MTA3: variants seen among roughly 807,000 people sequenced by gnomAD.
The protein encoded by MTA3 is metastasis associated 1 family member 3, also known as metastasis-associated protein MTA3.
A neutral mutation model predicts 83.5 loss-of-function variants in MTA3; 34 were observed. The observed-to-expected ratio is 0.41, with a 90% CI of 0.31 to 0.54. The LOEUF (loss-of-function observed/expected upper bound fraction) is 0.54. Ranked by LOEUF, MTA3 falls within the 20% of genes least tolerant of loss-of-function variation. The pLI, the probability that MTA3 is intolerant of heterozygous loss-of-function variation, is 0.33. For synonymous variants in MTA3, 303 were observed against 252.7 expected, an observed-to-expected ratio of 1.20 and a Z score of -1.89; for missense variants, 761 against 726.4, an observed-to-expected ratio of 1.05 and a Z score of -0.55.
chr2:42,656,057 C>T (rs1398121747), intron 6 of MTA3, 143 bp from the exon 7 acceptor site: 1 of 589,024 alleles, frequency 1.7e-6, no homozygotes, highest in Non-Finnish European at 3.0e-6. Flanking sequence ...TGTTGTACAT[C>T]TACGTCTGAA....
intron 8 of MTA3, among the ~76,000 whole-genome samples, chr2:42,662,992 GT>G (rs35014874): frequency 0.74 from 112,201 of 152,010 alleles, 41,669 homozygotes; most frequent in South Asian, 0.88. Flanking sequence ...GCCTCCCAGA[GT>G]TGCTGGGATT....
Position 42,667,576 on chromosome 2 carries a change from G to GTGTGTGTGTGTGTGTGTT in MTA3, c.702+7731_702+7732insTTGTGTGTGTGTGTGTGT, listed in dbSNP as rs1558562170. On this transcript the variant is annotated intron_variant, in intron 8 of 16. Coordinates refer to ENST00000405094, the MANE Select transcript of MTA3 (RefSeq NM_001330442.2). ...AATTTCCATCATTTAAAAATTGTGT[G>GTGTGTGTGTGTGTGTGTT]TGTGTGTGTGTGTGTGTGTGTGTGT... 9.5e-4 allele frequency among the ~76,000 whole-genome samples: 118 copies of GTGTGTGTGTGTGTGTGTT among 124,392 alleles called. No individual in the cohort carries two copies. In the Middle Eastern group the frequency reaches 0.012, roughly 13 times the overall value. 81.6% of individuals were successfully genotyped at this position (124,392 alleles called of 152,430 possible). A position where few individuals can be genotyped will look rare whatever the true frequency, so the allele number is the denominator to read the frequency against.
At chr2:42,646,923 G>T (rs193190840) in intron 6 of MTA3, among the ~76,000 whole-genome samples, 48 of 152,140 alleles carry the variant, frequency 3.2e-4, no homozygotes, top group Non-Finnish European at 5.4e-4. Flanking sequence ...TTGGGAGGTC[G>T]AGGCAGGCGG....
chr2:42,502,671 C>T, intron 2 of MTA3, among the ~76,000 whole-genome samples: 1 of 151,924 alleles, frequency 6.6e-6, no homozygotes, highest in South Asian at 2.1e-4. Flanking sequence ...GTGGCGCATG[C>T]CTGTAATCCC....
At position 42,755,110 on chromosome 2, in the gene MTA3, C is replaced by T; in HGVS notation, c.*1711C>T. ...CAGGGTTCCCACTGAGGGGTCCCTT[C>T]AGCAAAGACCTGGGAGGAGGTGCCG... is the stretch of plus-strand genomic sequence containing the variant. On this transcript the variant is annotated 3_prime_UTR_variant, in exon 17 of 17. Transcript: ENST00000405094. 1 of 985,464 alleles carries T rather than the reference C, an allele frequency of 1.0e-6. No individual in the cohort carries two copies. The highest frequency in any genetic ancestry group is 1.2e-6 in the Non-Finnish European group (1 of 830,018). 61.0% of individuals were successfully genotyped at this position (985,464 alleles called of 1,614,324 possible).
chr2:42,520,278 C>T (rs553122738), intron 2 of MTA3, among the ~76,000 whole-genome samples: 1 of 152,244 alleles, frequency 6.6e-6, no homozygotes, highest in East Asian at 1.9e-4. Context: ...ATCTCCCGTT[C>T]TTTTCCAATT....
chr2:42,750,405 G>GTT (rs35757153), intron 16 of MTA3, among the ~76,000 whole-genome samples: 83 of 149,450 alleles, frequency 5.6e-4, no homozygotes, highest in Middle Eastern at 3.5e-3. Context: ...GAGGGTCTTT[G>GTT]TTTTTTTTTT....
intron 9 of MTA3, 119 bp downstream of exon 9, chr2:42,682,708 C>T (rs1488376964): frequency 5.6e-6 from 5 of 892,008 alleles, no homozygotes; most frequent in Middle Eastern, 2.6e-4. Flanking sequence ...TTTATCTGCT[C>T]AAAGTAAAAT....
At chr2:42,591,894 C>A (rs760454448) in intron 3 of MTA3, among the ~76,000 whole-genome samples, 1 of 152,106 alleles carries the variant, frequency 6.6e-6, no homozygotes, top group Non-Finnish European at 1.5e-5. Flanking sequence ...CGGGATCTGC[C>A]CACCTTGACC....
At chr2:42,747,430 G>A (rs922944572) in intron 16 of MTA3, among the ~76,000 whole-genome samples, 1 of 152,040 alleles carries the variant, frequency 6.6e-6, no homozygotes, top group African/African-American at 2.4e-5. Flanking sequence ...GAAAGGCACC[G>A]GGGTGGGGGT....
intron 16 of MTA3, among the ~76,000 whole-genome samples, chr2:42,741,955 T>TA (rs1480554793): frequency 2.0e-5 from 3 of 152,114 alleles, no homozygotes; most frequent in African/African-American, 4.8e-5. Context: ...CTTCAATTTT[T>TA]AAAAAAGCAC....
chr2:42,572,847 C>G (rs1182449795), intron 2 of MTA3, among the ~76,000 whole-genome samples: 1 of 152,184 alleles, frequency 6.6e-6, no homozygotes, highest in East Asian at 1.9e-4. Context: ...ACTGTCTCAT[C>G]CTCCCAAGTA....
At chr2:42,647,187 A>G (rs1350223823) in intron 6 of MTA3, among the ~76,000 whole-genome samples, 4 of 151,634 alleles carry the variant, frequency 2.6e-5, no homozygotes, top group African/African-American at 9.7e-5. Context: ...AAGGAAGTCT[A>G]CCATAGGTAA....
chr2:42,694,997 C>T (rs554626671), intron 9 of MTA3, among the ~76,000 whole-genome samples: 2 of 151,984 alleles, frequency 1.3e-5, no homozygotes, highest in South Asian at 2.1e-4. Context: ...AAGAATTAGC[C>T]GGGCATGGTG....
intron 16 of MTA3, among the ~76,000 whole-genome samples, chr2:42,736,755 T>A (rs1246925922): frequency 6.6e-6 from 1 of 152,230 alleles, no homozygotes; most frequent in African/African-American, 2.4e-5. Flanking sequence ...AGCATGTCTC[T>A]GAGTCTCATC....
At chr2:42,661,655 A>G (rs905937220) in intron 8 of MTA3, among the ~76,000 whole-genome samples, 3 of 152,168 alleles carry the variant, frequency 2.0e-5, no homozygotes, top group Non-Finnish European at 4.4e-5. Flanking sequence ...AAATTAAAAA[A>G]TAGTACAGCA....
intron 16 of MTA3, among the ~76,000 whole-genome samples, chr2:42,743,304 C>T (rs1669173262): frequency 6.6e-6 from 1 of 152,224 alleles, no homozygotes; most frequent in Admixed American, 6.5e-5. Flanking sequence ...CAGTCTTTAT[C>T]AGAAGGGGGC....
intron 9 of MTA3, among the ~76,000 whole-genome samples, chr2:42,684,835 A>G (rs1325301606): frequency 6.6e-5 from 10 of 152,260 alleles, no homozygotes; most frequent in Middle Eastern, 3.2e-3. Context: ...TGCAACAAAA[A>G]TTGAATGTGG....
At chr2:42,590,777 T>G (rs1337949882) in intron 3 of MTA3, among the ~76,000 whole-genome samples, 1 of 152,026 alleles carries the variant, frequency 6.6e-6, no homozygotes, top group Non-Finnish European at 1.5e-5. Flanking sequence ...TGCACCACCA[T>G]GCCTGGCTAA....
Sources: gnomAD v4.1 joint callset for allele counts (sites outside exome capture counted in the v4.1 genomes callset) on GRCh38, gnomAD v4.1.1 for gene constraint, MANE v1.5 for transcripts, NCBI Gene and HGNC (gene_info 2026-07-23, HGNC 2026-07-21) for gene names.